CC2D2A: variants seen among roughly 807,000 people sequenced by gnomAD.
CC2D2A encodes the protein coiled-coil and C2 domain-containing protein 2A.
A neutral mutation model predicts 212.9 loss-of-function variants in CC2D2A; 155 were observed. The ratio of observed to expected loss-of-function variants is 0.73; its 90% confidence interval spans 0.64 to 0.83. CC2D2A has a LOEUF of 0.83. Ranked by LOEUF, CC2D2A falls within the 40% of genes least tolerant of loss-of-function variation. The pLI is 0.00. For missense variants in CC2D2A, 1,856 were observed against 1,956.2 expected (o/e 0.95, Z 0.97); for synonymous variants, 667 against 686.5 (o/e 0.97, Z 0.44).
intron 4 of CC2D2A, among the ~76,000 whole-genome samples, chr4:15,493,337 C>T (rs1006036516): frequency 6.6e-6 from 1 of 152,044 alleles, no homozygotes; most frequent in African/African-American, 2.4e-5. Context: ...GGTGCAATCT[C>T]GGCTCACTGC....
At chr4:15,530,473 AG>A (rs1717791257) in intron 13 of CC2D2A, among the ~76,000 whole-genome samples, 1 of 152,222 alleles carries the variant, frequency 6.6e-6, no homozygotes, top group South Asian at 2.1e-4. Flanking sequence ...GCATACATTA[AG>A]AAAAAAGTGA....
At chr4:15,596,816 A>G (rs1021171572) in intron 34 of CC2D2A, among the ~76,000 whole-genome samples, 11 of 152,224 alleles carry the variant, frequency 7.2e-5, no homozygotes, top group African/African-American at 1.4e-4. Flanking sequence ...TTGAAATAGC[A>G]TAAGAGTTGG....
At chr4:15,599,851 A>C (rs555242782) in intron 36 of CC2D2A, 145 bp downstream of exon 36, 7 of 530,180 alleles carry the variant, frequency 1.3e-5, no homozygotes, top group African/African-American at 3.8e-5. Context: ...AACTGTGATC[A>C]TAAGTTTTAA....
chr4:15,599,806 C>T (rs1721501009), intron 36 of CC2D2A, 100 bp downstream of exon 36: 16 of 831,680 alleles, frequency 1.9e-5, no homozygotes, highest in Non-Finnish European at 2.6e-5. Flanking sequence ...CCACGTTGCT[C>T]CCAGAAGTAC....
intron 17 of CC2D2A, among the ~76,000 whole-genome samples, chr4:15,542,317 T>TA (rs918886560): frequency 3.3e-5 from 5 of 152,180 alleles, no homozygotes; most frequent in Non-Finnish European, 7.3e-5. Context: ...AGGTCTCTCT[T>TA]ATGATCCTAA....
At chr4:15,470,649 ATCTCTCTCTC>A (rs56039505) in intron 1 of CC2D2A, among the ~76,000 whole-genome samples, 30 of 98,560 alleles carry the variant, frequency 3.0e-4, no homozygotes, top group East Asian at 8.1e-4. Flanking sequence ...CCAGCATGAA[ATCTCTCTCTC>A]TCTCTCTCTC....
chr4:15,589,550 A>G lies in CC2D2A; in HGVS notation c.4185A>G (p.Pro1395=). The G allele has an allele frequency of 6.2e-7, 1 of 1,611,896 alleles. No homozygotes were observed. The change falls in exon 33 of 37, where the codon CCA becomes CCG. Residue 1395 remains proline (P), a synonymous_variant. Coordinates refer to ENST00000424120, the MANE Select transcript of CC2D2A (RefSeq NM_001378615.1). The stretch of plus-strand genomic sequence containing the variant: ...TAATGGCCATCTTCTTTCAGGGTCC[A>G]ACTGCCTATGTGCTAACTTGGGAGC... ...LLMGNAIPEG[P]TAYVLTWEQG... is the part of the protein sequence containing the mutation.
chr4:15,515,803 A>T, intron 9 of CC2D2A, 65 bp from the exon 10 acceptor site: 11 of 1,419,142 alleles, frequency 7.8e-6, no homozygotes, highest in African/African-American at 1.4e-5. Context: ...TTAATTCACC[A>T]AACTGCAGTT....
chr4:15,569,495 C>T, intron 27 of CC2D2A, 106 bp downstream of exon 27: 2 of 664,078 alleles, frequency 3.0e-6, no homozygotes, highest in Non-Finnish European at 5.4e-6. Flanking sequence ...CGATCTAGAT[C>T]CTTTCTTGGA....
At chr4:15,483,688 G>A (rs1463811376) in intron 4 of CC2D2A, among the ~76,000 whole-genome samples, 8 of 151,896 alleles carry the variant, frequency 5.3e-5, no homozygotes, top group African/African-American at 1.4e-4. Context: ...TATTTATTCC[G>A]GGCTCTAAGG....
chr4:15,567,887 G>A, intron 26 of CC2D2A, 101 bp downstream of exon 26: 1 of 797,204 alleles, frequency 1.3e-6, no homozygotes, highest in South Asian at 1.8e-5. Context: ...TTTGTAGCTA[G>A]TGAGCGGCAA....
At chr4:15,535,696 C>T (rs1577356401) in intron 14 of CC2D2A, among the ~76,000 whole-genome samples, 1 of 152,250 alleles carries the variant, frequency 6.6e-6, no homozygotes, top group South Asian at 2.1e-4. Context: ...GGTAGTCATC[C>T]TAGAGAGCTG....
chr4:15,496,379 T>A (rs1176231078), intron 4 of CC2D2A, among the ~76,000 whole-genome samples: 1 of 152,206 alleles, frequency 6.6e-6, no homozygotes, highest in Non-Finnish European at 1.5e-5. Flanking sequence ...TACATTTAAG[T>A]CTTTAATCCA....
intron 6 of CC2D2A, among the ~76,000 whole-genome samples, chr4:15,505,414 G>T (rs1338254438): frequency 2.6e-5 from 4 of 152,112 alleles, no homozygotes; most frequent in African/African-American, 7.2e-5. Flanking sequence ...CCTGTTTCAG[G>T]TTACCCAAGA....
At chr4:15,498,673 C>T (rs932150763) in intron 4 of CC2D2A, among the ~76,000 whole-genome samples, 1 of 151,916 alleles carries the variant, frequency 6.6e-6, no homozygotes, top group Non-Finnish European at 1.5e-5. Context: ...CATATTCTAC[C>T]AAGAAAAAAA....
At chr4:15,492,876 G>A in intron 4 of CC2D2A, 4 of 569,184 alleles carry the variant, frequency 7.0e-6, no homozygotes, top group Non-Finnish European at 1.3e-5. Flanking sequence ...CACTGTTAAA[G>A]TCGGAGAAGA....
intron 30 of CC2D2A, among the ~76,000 whole-genome samples, chr4:15,582,067 T>C (rs183641425): frequency 6.6e-6 from 1 of 152,290 alleles, no homozygotes; most frequent in Admixed American, 6.5e-5. Flanking sequence ...GTTTAATATA[T>C]TTAAGAAATT....
At chr4:15,502,314 C>G (rs1220758281) in intron 4 of CC2D2A, 115 bp from the exon 5 acceptor site, 5 of 773,728 alleles carry the variant, frequency 6.5e-6, no homozygotes, top group Non-Finnish European at 1.0e-5. Context: ...TCTCTTATTT[C>G]TTTTTTAATT....
intron 18 of CC2D2A, among the ~76,000 whole-genome samples, chr4:15,552,459 A>G (rs1023218008): frequency 6.6e-6 from 1 of 152,066 alleles, no homozygotes; most frequent in Non-Finnish European, 1.5e-5. Flanking sequence ...CTAAAAGTTT[A>G]TCCCCTCTCC....
Sources: gnomAD v4.1 joint callset for allele counts (sites outside exome capture counted in the v4.1 genomes callset) on GRCh38, gnomAD v4.1.1 for gene constraint, MANE v1.5 for transcripts, NCBI Gene and HGNC (gene_info 2026-07-23, HGNC 2026-07-21) for gene names.